Variants in VAC14 observed in about 807,000 individuals in gnomAD.
The protein encoded by VAC14 is VAC14 component of PIKFYVE complex, also known as protein VAC14 homolog.
In VAC14, 47 loss-of-function variants were observed where a neutral mutation model predicts 85.3. That is an observed-to-expected ratio of 0.55 (90% CI 0.44 to 0.70). The LOEUF (loss-of-function observed/expected upper bound fraction) is 0.70. VAC14 is among the 30% of genes least tolerant of loss of function. VAC14 has a pLI of 0.00. For synonymous variants in VAC14, 447 were observed against 430.5 expected (o/e 1.04, Z -0.47); for missense variants, 861 against 1,004.3 (o/e 0.86, Z 1.93).
At chr16:70,732,060 G>A (rs1045963145) in intron 13 of VAC14, among the ~76,000 whole-genome samples, 1 of 152,140 alleles carries the variant, frequency 6.6e-6, no homozygotes, top group Non-Finnish European at 1.5e-5. Context: ...AAGTCAAAGA[G>A]AATAAATGGG....
intron 8 of VAC14, among the ~76,000 whole-genome samples, 168 bp from the exon 9 acceptor site, chr16:70,781,107 G>A (rs1055367618): frequency 1.1e-4 from 17 of 152,174 alleles, no homozygotes; most frequent in African/African-American, 4.1e-4. Context: ...GGTACTGAGC[G>A]AGTTGAGTGA....
intron 15 of VAC14, among the ~76,000 whole-genome samples, 186 bp from the exon 16 acceptor site, chr16:70,697,443 G>A (rs868076106): frequency 6.6e-5 from 10 of 152,216 alleles, no homozygotes; most frequent in Non-Finnish European, 1.3e-4. Context: ...CAGCTCCTTC[G>A]CAGACCCTGT....
intron 10 of VAC14, among the ~76,000 whole-genome samples, chr16:70,763,733 T>C (rs1326732150): frequency 6.6e-6 from 1 of 152,188 alleles, no homozygotes. Context: ...GAGGTACTTT[T>C]GTTCTGGTGG....
intron 18 of VAC14, chr16:70,690,896 G>A: frequency 1.0e-6 from 1 of 985,412 alleles, no homozygotes; most frequent in Non-Finnish European, 1.2e-6. Context: ...TGAAGGCTAG[G>A]GGGTGTCTCA....
At chr16:70,777,697 C>T (rs1255539334) in intron 9 of VAC14, among the ~76,000 whole-genome samples, 3 of 152,112 alleles carry the variant, frequency 2.0e-5, no homozygotes, top group Non-Finnish European at 2.9e-5. Flanking sequence ...GGAGAAGATG[C>T]GGAGGTGGGG....
intron 5 of VAC14, 48 bp from the exon 6 acceptor site, chr16:70,783,602 TTTCCTGCTC>T: frequency 6.3e-7 from 1 of 1,584,808 alleles, no homozygotes. Context: ...CAGAACCCTG[TTTCCTGCTC>T]ACCAAGCCTC....
At chr16:70,749,060 T>C (rs1260098054) in intron 12 of VAC14, among the ~76,000 whole-genome samples, 1 of 152,256 alleles carries the variant, frequency 6.6e-6, no homozygotes, top group Non-Finnish European at 1.5e-5. Context: ...AATGGAGATT[T>C]GACCTTGCCA....
intron 3 of VAC14, among the ~76,000 whole-genome samples, chr16:70,785,467 T>C (rs917079049): frequency 2.0e-5 from 3 of 152,220 alleles, no homozygotes; most frequent in African/African-American, 7.2e-5. Flanking sequence ...CTCTACTGTA[T>C]GGCAGACTGA....
chr16:70,730,201 C>G (rs1189637575), intron 14 of VAC14, among the ~76,000 whole-genome samples: 2 of 151,948 alleles, frequency 1.3e-5, no homozygotes, highest in Non-Finnish European at 1.5e-5. Context: ...CTGCCACAGT[C>G]TCTGCTTGGA....
At chr16:70,689,638 T>G (rs933824924) in intron 18 of VAC14, 1 of 985,694 alleles carries the variant, frequency 1.0e-6, no homozygotes, top group African/African-American at 1.7e-5. Context: ...AGAAAACATC[T>G]TGGACATGTC....
chr16:70,772,396 G>C, intron 9 of VAC14: 2 of 539,768 alleles, frequency 3.7e-6, no homozygotes, highest in Non-Finnish European at 3.3e-6. Flanking sequence ...TCACAAGGAG[G>C]GGACACCAGT....
intron 17 of VAC14, among the ~76,000 whole-genome samples, chr16:70,693,964 G>A (rs576344454): frequency 6.6e-6 from 1 of 152,328 alleles, no homozygotes; most frequent in South Asian, 2.1e-4. Context: ...CCCTCCAGAA[G>A]AGACCCCCAC....
At chr16:70,729,266 G>A (rs774209848) in intron 14 of VAC14, among the ~76,000 whole-genome samples, 11 of 152,218 alleles carry the variant, frequency 7.2e-5, no homozygotes, top group Non-Finnish European at 1.6e-4. Context: ...AGTTCGAGAA[G>A]CCCTGCTCTA....
chr16:70,774,683 A>G (rs1159535267), intron 9 of VAC14, among the ~76,000 whole-genome samples: 4 of 150,720 alleles, frequency 2.7e-5, no homozygotes, highest in Non-Finnish European at 4.4e-5. Flanking sequence ...TTCCTCCATT[A>G]TTGACTAAAA....
chr16:70,727,663 G>T (rs1347994178), intron 14 of VAC14, among the ~76,000 whole-genome samples: 1 of 152,206 alleles, frequency 6.6e-6, no homozygotes, highest in Non-Finnish European at 1.5e-5. Context: ...TAAAGTCATC[G>T]CAGGAGAAAA....
chr16:70,779,577 T>C (rs758718250), intron 9 of VAC14, among the ~76,000 whole-genome samples: 27 of 152,332 alleles, frequency 1.8e-4, no homozygotes, highest in Non-Finnish European at 3.7e-4. Context: ...ACAAGGACTT[T>C]GTCTGGTAAA....
intron 14 of VAC14, among the ~76,000 whole-genome samples, chr16:70,727,795 AG>A (rs1230436974): frequency 6.6e-6 from 1 of 152,252 alleles, no homozygotes; most frequent in Non-Finnish European, 1.5e-5. Context: ...ACATGTTTGC[AG>A]GGCCTTTTCC....
At chr16:70,695,890 C>T (rs1039615859) in intron 16 of VAC14, 5 of 344,120 alleles carry the variant, frequency 1.5e-5, no homozygotes, top group African/African-American at 4.1e-5. Context: ...CTTATCACAG[C>T]GCTGCAGCCC....
intron 1 of VAC14, among the ~76,000 whole-genome samples, chr16:70,794,607 C>T (rs922021321): frequency 6.6e-6 from 1 of 152,206 alleles, no homozygotes. Flanking sequence ...TGCAGGAATG[C>T]GGGCCCCCAA....
Sources: allele counts gnomAD v4.1 joint callset (sites outside exome capture counted in the v4.1 genomes callset), GRCh38; gene constraint gnomAD v4.1.1; transcripts MANE v1.5; gene names NCBI Gene and HGNC (gene_info 2026-07-23, HGNC 2026-07-21).